ADAM18: variants seen among roughly 807,000 people sequenced by gnomAD.
ADAM18 encodes the protein ADAM metallopeptidase domain 18, also known as disintegrin and metalloproteinase domain-containing protein 18.
ADAM18 carries 117 observed loss-of-function variants against 94.4 expected under a neutral mutation model. That is an observed-to-expected ratio of 1.24 (90% CI 1.07 to 1.45). The LOEUF is 1.45. Ranked by LOEUF, ADAM18 falls within the 40% of genes most tolerant of loss-of-function variation. The pLI, the probability that ADAM18 is intolerant of heterozygous loss-of-function variation, is 0.00. For synonymous variants in ADAM18, 327 were observed against 291.6 expected, an observed-to-expected ratio of 1.12 and a Z score of -1.24; for missense variants, 936 against 880.0, an observed-to-expected ratio of 1.06 and a Z score of -0.81.
intron 19 of ADAM18, among the ~76,000 whole-genome samples, chr8:39,728,265 C>T (rs1400130642): frequency 2.6e-5 from 4 of 152,062 alleles, no homozygotes; most frequent in Admixed American, 2.6e-4. Flanking sequence ...ACAATATATT[C>T]ACATTTTTTT....
Position 39,642,117 on chromosome 8 carries a change from G to C in ADAM18, c.910-3221G>C, listed in dbSNP as rs572610495. Among the ~76,000 whole-genome samples, 4 of 151,842 alleles carry C rather than the reference G, an allele frequency of 2.6e-5. No homozygotes were observed. In the South Asian group the frequency reaches 8.3e-4, roughly 32 times the overall value. ...AATTTTTATGGAGTTGTTAGTTTTT[G>C]TCTTCTAGTAAATTTCCTTAAGTTC... is the stretch of plus-strand genomic sequence containing the variant. On this transcript the variant is annotated intron_variant, in intron 10 of 19. Coordinates refer to ENST00000265707, the MANE Select transcript of ADAM18 (RefSeq NM_014237.3).
At chr8:39,693,753 ATATT>A (rs1292941944) in intron 17 of ADAM18, among the ~76,000 whole-genome samples, 2 of 151,148 alleles carry the variant, frequency 1.3e-5, no homozygotes, top group East Asian at 1.9e-4. Context: ...TAAAACTTCC[ATATT>A]TATTTAATTT....
intron 12 of ADAM18, among the ~76,000 whole-genome samples, chr8:39,651,904 T>A (rs921165075): frequency 4.0e-5 from 6 of 151,290 alleles, no homozygotes; most frequent in Non-Finnish European, 3.0e-5. Context: ...TAAAAACACA[T>A]AGATCAATGA....
At chr8:39,702,108 G>A (rs928651520) in intron 17 of ADAM18, among the ~76,000 whole-genome samples, 2 of 152,196 alleles carry the variant, frequency 1.3e-5, no homozygotes, top group African/African-American at 4.8e-5. Context: ...CCCACCAACA[G>A]TGTATAAGTA....
intron 6 of ADAM18, among the ~76,000 whole-genome samples, chr8:39,622,577 G>T (rs1819644702): frequency 6.6e-6 from 1 of 151,786 alleles, no homozygotes; most frequent in Non-Finnish European, 1.5e-5. Context: ...AATTTGTCTT[G>T]TGTGCTGTTA....
intron 18 of ADAM18, among the ~76,000 whole-genome samples, chr8:39,710,358 A>C (rs1297648403): frequency 6.6e-6 from 1 of 152,212 alleles, no homozygotes; most frequent in East Asian, 1.9e-4. Context: ...TTTCTTGTAT[A>C]TACTTAAAGG....
intron 7 of ADAM18, among the ~76,000 whole-genome samples, chr8:39,632,968 G>C (rs570429674): frequency 5.1e-4 from 77 of 152,236 alleles, no homozygotes; most frequent in South Asian, 1.2e-3. Flanking sequence ...TTTAAGGCAT[G>C]AGGCAATTCT....
chr8:39,643,727 A>T (rs1029193275), intron 10 of ADAM18, among the ~76,000 whole-genome samples: 1 of 151,844 alleles, frequency 6.6e-6, no homozygotes, highest in Non-Finnish European at 1.5e-5. Context: ...GCATTACCCC[A>T]ATATTTGCCT....
chr8:39,663,456 G>A (rs1309971070), intron 12 of ADAM18, among the ~76,000 whole-genome samples: 1 of 148,806 alleles, frequency 6.7e-6, no homozygotes, highest in African/African-American at 2.5e-5. Context: ...AAAAATATCT[G>A]GGCATGATTG....
At chr8:39,625,272 A>ATTATATT (rs1369939862) in intron 6 of ADAM18, among the ~76,000 whole-genome samples, 3 of 151,912 alleles carry the variant, frequency 2.0e-5, no homozygotes, top group Admixed American at 1.3e-4. Flanking sequence ...TATATTCTTA[A>ATTATATT]TTATTTTATT....
At position 39,680,022 on chromosome 8, in the gene ADAM18, G is replaced by A; in HGVS notation, c.1632-15G>A. ...GAGATAAACTGATAAGGAACTTTTT[G>A]CTTTCCACTTCCAGGGATGTTCTCT... On this transcript the variant is annotated splice_polypyrimidine_tract_variant and intron_variant, in intron 15 of 19. Coordinates refer to ENST00000265707, the MANE Select transcript of ADAM18 (RefSeq NM_014237.3). The A allele has an allele frequency of 1.9e-6, 3 of 1,609,756 alleles. No individual in the cohort carries two copies. The highest frequency in any genetic ancestry group is 2.5e-6 in the Non-Finnish European group (3 of 1,178,794).
chr8:39,615,114 A>C (rs983258285), intron 6 of ADAM18, among the ~76,000 whole-genome samples: 4 of 152,160 alleles, frequency 2.6e-5, no homozygotes, highest in African/African-American at 9.7e-5. Flanking sequence ...GACCTAACAT[A>C]CATCTACAAA....
intron 6 of ADAM18, among the ~76,000 whole-genome samples, chr8:39,617,811 G>A (rs1261475099): frequency 6.6e-6 from 1 of 152,092 alleles, no homozygotes; most frequent in Non-Finnish European, 1.5e-5. Context: ...CACAAAGAAG[G>A]GAACAATAGA....
chr8:39,620,357 C>CAAAAAAAAAAAAAAAACA (rs1819574465), intron 6 of ADAM18, among the ~76,000 whole-genome samples: 1 of 90,566 alleles, frequency 1.1e-5, no homozygotes, highest in Non-Finnish European at 2.1e-5. Flanking sequence ...GCAACAAAAG[C>CAAAAAAAAAAAAAAAACA]AAAAAAAAAA....
intron 6 of ADAM18, among the ~76,000 whole-genome samples, chr8:39,621,420 T>A (rs1287724233): frequency 6.6e-6 from 1 of 151,476 alleles, no homozygotes; most frequent in African/African-American, 2.4e-5. Flanking sequence ...ACTGGATGAA[T>A]GACACATGAG....
In ADAM18 at chr8:39,723,893, T is replaced by G; in HGVS notation, c.2163T>G (p.Asn721Lys). 1.9e-6 allele frequency: 3 copies of G among 1,539,562 alleles called. No individual in the cohort carries two copies. The highest frequency in any genetic ancestry group is 2.6e-6 in the Non-Finnish European group (3 of 1,137,132). Reference protein sequence around the residue: ...NEISKSCNRENAEYNRNSSVV... With the variant: ...NEISKSCNREKAEYNRNSSVV... ...TAAGTAAATCATGTAACAGAGAGAA[T>G]GCAGAGTATAATCGGTAAATATGAT... The change falls in exon 19 of 20, where the codon AAT becomes AAG. Residue 721 changes from asparagine (N) to lysine (K), a missense_variant. Coordinates refer to ENST00000265707, the MANE Select transcript of ADAM18 (RefSeq NM_014237.3).
chr8:39,664,980 G>C (rs751025770), intron 13 of ADAM18, among the ~76,000 whole-genome samples: 1 of 151,828 alleles, frequency 6.6e-6, no homozygotes, highest in Admixed American at 6.6e-5. Context: ...AATTCTGTTA[G>C]TGAATATTCC....
rs770258606 is a variant in ADAM18, at chr8:39,588,228, G to GTT, written c.132+2892_132+2893dup. On this transcript the variant is annotated intron_variant, in intron 2 of 19. Transcript: ENST00000265707. ...CTTTTGCTTTTGTTTGTGGGTGTGG[G>GTT]TTTTTTTTTTTTTTTTTAACAAAAC... Among the ~76,000 whole-genome samples the GTT allele has an allele frequency of 4.0e-4, 53 of 131,738 alleles. No individual in the cohort carries two copies. In the East Asian group the frequency reaches 5.1e-3, roughly 13 times the overall value. The allele number at this position is 131,738 out of a possible 152,430, so 86.4% of individuals were successfully genotyped here. A position where few individuals can be genotyped will look rare whatever the true frequency, so the allele number is the denominator to read the frequency against.
intron 10 of ADAM18, among the ~76,000 whole-genome samples, chr8:39,643,957 T>C (rs1195289085): frequency 6.6e-6 from 1 of 151,880 alleles, no homozygotes; most frequent in Non-Finnish European, 1.5e-5. Flanking sequence ...TTTCAAATTC[T>C]GACACTGTAA....
Sources: allele counts gnomAD v4.1 joint callset (sites outside exome capture counted in the v4.1 genomes callset), GRCh38; gene constraint gnomAD v4.1.1; transcripts MANE v1.5; gene names NCBI Gene and HGNC (gene_info 2026-07-23, HGNC 2026-07-21).